The following RORA variants were observed in gnomAD, a reference collection of about 807,000 sequenced individuals.
RORA encodes the protein nuclear receptor ROR-alpha.
RORA carries 7 observed loss-of-function variants against 69.5 expected under a neutral mutation model. That is an observed-to-expected ratio of 0.10 (90% CI 0.06 to 0.19). The LOEUF (loss-of-function observed/expected upper bound fraction) is 0.19. Among genes scored for constraint, RORA ranks in the 10% least tolerant of loss-of-function variants. The pLI is 1.00. For missense variants in RORA, 457 were observed against 663.0 expected, an observed-to-expected ratio of 0.69 and a Z score of 3.41; for synonymous variants, 261 against 240.8, an observed-to-expected ratio of 1.08 and a Z score of -0.78.
At chr15:60,821,622 A>G (rs1455385725) in intron 1 of RORA, among the ~76,000 whole-genome samples, 1 of 152,214 alleles carries the variant, frequency 6.6e-6, no homozygotes, top group Admixed American at 6.5e-5. Flanking sequence ...TGTAAGCTCT[A>G]TGATGCCAAG....
chr15:60,811,576 C>T (rs1419452899), intron 1 of RORA, among the ~76,000 whole-genome samples: 1 of 152,168 alleles, frequency 6.6e-6, no homozygotes, highest in Non-Finnish European at 1.5e-5. Context: ...GTCTAAGCTC[C>T]TTCATTCTGT....
rs201043688 is a variant in RORA at position 60,991,305 on chromosome 15, G to A, written c.166+237748C>T. The stretch of plus-strand genomic sequence containing the variant: ...TGAATGAATGAATGAATGAAATACC[G>A]CAGACAGAATAAAGACCGTCGGATT... On this transcript the variant is annotated intron_variant, in intron 1 of 10. Transcript: ENST00000335670. Among the ~76,000 whole-genome samples the A allele has an allele frequency of 1.1e-4, 17 of 152,172 alleles. No homozygotes were observed. The East Asian group carries it at 1.9e-3, about 17-fold the overall frequency.
At chr15:60,542,961 C>T (rs576253818) in intron 2 of RORA, among the ~76,000 whole-genome samples, 21 of 144,940 alleles carry the variant, frequency 1.4e-4, no homozygotes, top group Admixed American at 3.3e-4. Flanking sequence ...CCTACACACA[C>T]CCCCCACATG....
At position 61,147,766 on chromosome 15, in the gene RORA, C is replaced by T. The variant is rs528339140; in HGVS notation, c.166+81287G>A. ...TGGTCAGTAGGCACGTGCGCACACGCGTGTGTGTGTGTGTGTGTGTGTGTG... is the reference window on the plus strand; with the variant it reads ...TGGTCAGTAGGCACGTGCGCACACGTGTGTGTGTGTGTGTGTGTGTGTGTG... On this transcript the variant is annotated intron_variant, in intron 1 of 10. Coordinates refer to ENST00000335670, the MANE Select transcript of RORA (RefSeq NM_134261.3). The surrounding 1 kb of genome is among the most constrained non-coding windows in gnomAD (Gnocchi z 4.1). 2.6e-3 allele frequency among the ~76,000 whole-genome samples: 383 copies of T among 147,704 alleles called. 2 individuals are homozygous for T. Among genetic ancestry groups the T allele is most frequent in the East Asian group, 0.012 (59 of 4,854 alleles).
chr15:60,577,382 G>A (rs1486762153), intron 2 of RORA, among the ~76,000 whole-genome samples: 2 of 152,234 alleles, frequency 1.3e-5, no homozygotes, highest in African/African-American at 4.8e-5. Context: ...GGTGGCTCAC[G>A]CCTGTAATCC....
At chr15:60,746,172 C>G (rs1305523745) in intron 1 of RORA, among the ~76,000 whole-genome samples, 2 of 152,082 alleles carry the variant, frequency 1.3e-5, no homozygotes, top group African/African-American at 4.8e-5. Flanking sequence ...TTTTTAAAAT[C>G]CAAAAGTCAG....
At chr15:60,594,069 A>C (rs779521530) in intron 2 of RORA, among the ~76,000 whole-genome samples, 1 of 152,218 alleles carries the variant, frequency 6.6e-6, no homozygotes, top group African/African-American at 2.4e-5. Context: ...AATTCATTCT[A>C]ATACAGCTTT....
At chr15:60,691,573 C>A (rs529854504) in intron 1 of RORA, among the ~76,000 whole-genome samples, 12 of 152,258 alleles carry the variant, frequency 7.9e-5, no homozygotes, top group Admixed American at 2.6e-4. Flanking sequence ...GAGGGTGAGA[C>A]AAGTGCTAAC....
chr15:60,667,580 CAGGCCATTGGTAGCAG>C lies in RORA; in HGVS notation c.196+11061_196+11076del, dbSNP rs139224109. Among the ~76,000 whole-genome samples the C allele has an allele frequency of 4.4e-3, 665 of 152,256 alleles. 3 individuals are homozygous for C. Among genetic ancestry groups the C allele is most frequent in the African/African-American group, 0.016 (646 of 41,554 alleles). On this transcript the variant is annotated intron_variant, in intron 2 of 10. Transcript: ENST00000335670. ...TGTATTAGAAGTTTTTGAATTTATA[CAGGCCATTGGTAGCAG>C]AGAGTATAGTTCGTTTTTTGTTTCT...
chr15:61,012,743 G>C (rs1895128535), intron 1 of RORA, among the ~76,000 whole-genome samples: 1 of 151,992 alleles, frequency 6.6e-6, no homozygotes, highest in Admixed American at 6.6e-5. Context: ...CAGACCTCCA[G>C]GGCTCAAGCA....
intron 1 of RORA, among the ~76,000 whole-genome samples, chr15:60,858,355 T>C (rs1021694644): frequency 3.9e-5 from 6 of 152,196 alleles, no homozygotes; most frequent in Non-Finnish European, 7.3e-5. Flanking sequence ...AAAAACACGT[T>C]CTGGGTCTTT....
intron 2 of RORA, among the ~76,000 whole-genome samples, chr15:60,597,545 AC>A (rs1258395412): frequency 2.9e-4 from 19 of 65,680 alleles, no homozygotes; most frequent in African/African-American, 9.8e-4. Context: ...ACACACACAC[AC>A]ACAACATATA....
At chr15:60,823,582 T>C (rs2072921852) in intron 1 of RORA, among the ~76,000 whole-genome samples, 1 of 152,226 alleles carries the variant, frequency 6.6e-6, no homozygotes, top group South Asian at 2.1e-4. Context: ...ATTAGGTGCA[T>C]ATAGGCAAGA....
At chr15:60,970,561 A>C (rs1893685126) in intron 1 of RORA, among the ~76,000 whole-genome samples, 1 of 152,240 alleles carries the variant, frequency 6.6e-6, no homozygotes, top group Admixed American at 6.5e-5. Flanking sequence ...TCCATTTGGA[A>C]TAAAGGGACT....
At chr15:61,204,675 G>A (rs946651833) in intron 1 of RORA, among the ~76,000 whole-genome samples, 1 of 152,238 alleles carries the variant, frequency 6.6e-6, no homozygotes, top group Non-Finnish European at 1.5e-5. Context: ...TTTGGTCCCA[G>A]TGTCCATGTC....
chr15:60,720,210 G>C (rs144534462), intron 1 of RORA, among the ~76,000 whole-genome samples: 1 of 152,216 alleles, frequency 6.6e-6, no homozygotes, highest in African/African-American at 2.4e-5. Context: ...CACCCATGAA[G>C]GTCTCTTGAG....
intron 1 of RORA, among the ~76,000 whole-genome samples, chr15:60,767,937 C>G (rs2072014833): frequency 1.3e-5 from 2 of 152,194 alleles, no homozygotes; most frequent in South Asian, 2.1e-4. Context: ...AGGGCCACAT[C>G]TCGTTCATCA....
intron 2 of RORA, among the ~76,000 whole-genome samples, chr15:60,657,529 C>T (rs1406937074): frequency 6.6e-6 from 1 of 152,200 alleles, no homozygotes; most frequent in Non-Finnish European, 1.5e-5. Flanking sequence ...AAGGAATGAA[C>T]TTCCCTGTGT....
chr15:60,801,214 G>A (rs2072576379), intron 1 of RORA, among the ~76,000 whole-genome samples: 1 of 152,166 alleles, frequency 6.6e-6, no homozygotes, highest in Non-Finnish European at 1.5e-5. Context: ...GGTGAACTTG[G>A]GTGGAAAGGT....
Sources: allele counts gnomAD v4.1 joint callset (sites outside exome capture counted in the v4.1 genomes callset), GRCh38; gene constraint gnomAD v4.1.1; non-coding constraint Gnocchi (gnomAD v3.1); transcripts MANE v1.5; gene names NCBI Gene and HGNC (gene_info 2026-07-23, HGNC 2026-07-21).